Variants in RBFOX1 observed in about 807,000 individuals in gnomAD.
The protein encoded by RBFOX1 is RNA binding protein fox-1 homolog 1.
In RBFOX1, 8 loss-of-function variants were observed where a neutral mutation model predicts 57.7. The ratio of observed to expected loss-of-function variants is 0.14; its 90% CI spans 0.08 to 0.25. The LOEUF is 0.25. RBFOX1 is among the 10% of genes least tolerant of loss of function. The pLI, the probability that RBFOX1 is intolerant of heterozygous loss-of-function variation, is 1.00. For synonymous variants in RBFOX1, 326 were observed against 222.4 expected (o/e 1.47, Z -4.15); for missense variants, 611 against 548.5 (o/e 1.11, Z -1.14).
intron 1 of RBFOX1, among the ~76,000 whole-genome samples, chr16:5,269,540 A>T (rs1377018959): frequency 1.3e-5 from 2 of 152,252 alleles, no homozygotes; most frequent in African/African-American, 4.8e-5. Context: ...ATTTGATCAC[A>T]AAAAGGAGCA....
intron 1 of RBFOX1, among the ~76,000 whole-genome samples, chr16:6,280,608 A>T (rs1040668724): frequency 1.3e-5 from 2 of 152,172 alleles, no homozygotes; most frequent in African/African-American, 4.8e-5. Flanking sequence ...AGTACTCAGG[A>T]AGGTGGCCGT....
intron 14 of RBFOX1, among the ~76,000 whole-genome samples, chr16:7,697,408 C>T (rs73496973): frequency 4.6e-5 from 7 of 152,276 alleles, no homozygotes; most frequent in South Asian, 2.1e-4. Context: ...AACCCTTTAT[C>T]CCTGTAGTAA....
chr16:7,328,125 C>G (rs2096635841), intron 4 of RBFOX1, among the ~76,000 whole-genome samples: 1 of 152,130 alleles, frequency 6.6e-6, no homozygotes, highest in South Asian at 2.1e-4. Flanking sequence ...CTGCCTCAGC[C>G]TCCAGAGTGG....
intron 3 of RBFOX1, among the ~76,000 whole-genome samples, chr16:5,674,605 A>T (rs988796000): frequency 6.6e-6 from 1 of 152,242 alleles, no homozygotes; most frequent in Admixed American, 6.5e-5. Flanking sequence ...ATCTCATAGA[A>T]CATAGTATTG....
chr16:6,787,002 T>C (rs74007041), intron 3 of RBFOX1, among the ~76,000 whole-genome samples: 22,407 of 152,086 alleles, frequency 0.15, 2,287 homozygotes, highest in African/African-American at 0.29. Flanking sequence ...CACTAAAAAC[T>C]TCCTGCTTTG....
intron 2 of RBFOX1, among the ~76,000 whole-genome samples, chr16:6,438,655 C>A (rs1009897071): frequency 6.6e-6 from 1 of 152,028 alleles, no homozygotes; most frequent in African/African-American, 2.4e-5. Context: ...TTGGGGTTGG[C>A]GTTGTTTGGT....
chr16:6,643,741 C>G (rs1003967219), intron 2 of RBFOX1, among the ~76,000 whole-genome samples: 1 of 152,110 alleles, frequency 6.6e-6, no homozygotes, highest in Non-Finnish European at 1.5e-5. Flanking sequence ...CTCTAAAACT[C>G]AGTTTTTTCA....
intron 4 of RBFOX1, among the ~76,000 whole-genome samples, chr16:5,986,030 T>C (rs554994159): frequency 6.6e-6 from 1 of 151,370 alleles, no homozygotes; most frequent in Non-Finnish European, 1.5e-5. Context: ...CCAAAATTCC[T>C]CTTTATTTTC....
intron 1 of RBFOX1, among the ~76,000 whole-genome samples, chr16:5,462,244 C>G (rs1394304296): frequency 6.7e-6 from 1 of 149,278 alleles, no homozygotes; most frequent in East Asian, 2.0e-4. Flanking sequence ...TCTCGGCTCA[C>G]TGCAAGCTCC....
At chr16:6,807,573 T>G (rs924658138) in intron 3 of RBFOX1, among the ~76,000 whole-genome samples, 5 of 152,020 alleles carry the variant, frequency 3.3e-5, no homozygotes, top group African/African-American at 9.7e-5. Context: ...ATCCCAGCAC[T>G]TTGGGAGCCT....
chr16:6,756,285 A>G (rs954633477), intron 3 of RBFOX1, among the ~76,000 whole-genome samples: 9 of 152,310 alleles, frequency 5.9e-5, no homozygotes, highest in African/African-American at 1.7e-4. Context: ...AGAAGAGTGA[A>G]ACAAGACCCT....
intron 3 of RBFOX1, among the ~76,000 whole-genome samples, chr16:5,786,791 G>C (rs2054515837): frequency 6.6e-6 from 1 of 152,156 alleles, no homozygotes; most frequent in African/African-American, 2.4e-5. Flanking sequence ...AGAAATTGGT[G>C]TTTGACCTCA....
At chr16:6,454,630 A>G (rs1167779464) in intron 2 of RBFOX1, among the ~76,000 whole-genome samples, 1 of 152,194 alleles carries the variant, frequency 6.6e-6, no homozygotes, top group African/African-American at 2.4e-5. Flanking sequence ...TTATTTACTA[A>G]TACTGAATAT....
intron 1 of RBFOX1, among the ~76,000 whole-genome samples, chr16:6,151,599 T>A (rs930343063): frequency 6.6e-6 from 1 of 152,212 alleles, no homozygotes; most frequent in African/African-American, 2.4e-5. Flanking sequence ...AATCAGTCTT[T>A]TATGTCATTC....
intron 3 of RBFOX1, among the ~76,000 whole-genome samples, chr16:5,664,567 G>A (rs2151396947): frequency 1.3e-5 from 2 of 152,046 alleles, no homozygotes; most frequent in Middle Eastern, 3.4e-3. Context: ...GTGGATTCCT[G>A]TTCCTGCTCC....
At chr16:6,799,780 G>A (rs986093052) in intron 3 of RBFOX1, among the ~76,000 whole-genome samples, 1 of 152,002 alleles carries the variant, frequency 6.6e-6, no homozygotes, top group Non-Finnish European at 1.5e-5. Flanking sequence ...TGGACCGCTG[G>A]ACTTAACACC....
intron 2 of RBFOX1, among the ~76,000 whole-genome samples, chr16:5,498,174 C>T (rs1387569633): frequency 6.6e-6 from 1 of 152,070 alleles, no homozygotes; most frequent in African/African-American, 2.4e-5. Flanking sequence ...AGAGTTTTTG[C>T]TCTTGTTGCC....
At chr16:6,095,472 C>T (rs929659658) in intron 1 of RBFOX1, among the ~76,000 whole-genome samples, 4 of 152,152 alleles carry the variant, frequency 2.6e-5, no homozygotes, top group African/African-American at 4.8e-5. Context: ...CCAGCATCTT[C>T]TTTTCACTCT....
At chr16:6,364,458 C>G (rs1192597682) in intron 2 of RBFOX1, among the ~76,000 whole-genome samples, 1 of 152,164 alleles carries the variant, frequency 6.6e-6, no homozygotes, top group African/African-American at 2.4e-5. Flanking sequence ...GAGTATAACT[C>G]CAAGGAAGCT....
Sources: allele counts gnomAD v4.1 joint callset (sites outside exome capture counted in the v4.1 genomes callset), GRCh38; gene constraint gnomAD v4.1.1; transcripts MANE v1.5; gene names NCBI Gene and HGNC (gene_info 2026-07-23, HGNC 2026-07-21).